The following PARP11 variants were observed in gnomAD, a reference collection of about 807,000 sequenced individuals.
The protein encoded by PARP11 is protein mono-ADP-ribosyltransferase PARP11.
PARP11 carries 31 observed loss-of-function variants against 42.9 expected under a neutral mutation model. The observed-to-expected ratio is 0.72, with a 90% CI of 0.54 to 0.98. The LOEUF (loss-of-function observed/expected upper bound fraction) is 0.98, where lower values mean the gene tolerates loss of function less well. Ranked by LOEUF, PARP11 falls within the 50% of genes least tolerant of loss-of-function variation. The pLI, the probability that PARP11 is intolerant of heterozygous loss-of-function variation, is 0.00. For missense variants in PARP11, 365 were observed against 413.1 expected (o/e 0.88, Z 1.01); for synonymous variants, 137 against 127.3 (o/e 1.08, Z -0.51).
rs1401993347 is a variant in PARP11 at position 3,812,423 on chromosome 12, T to G, written c.717A>C (p.Arg239Ser). The change falls in exon 8 of 8, where the codon AGA (arginine) becomes AGC (serine). Residue 239 changes from arginine to serine, a missense_variant. Coordinates refer to ENST00000228820, the MANE Select transcript of PARP11 (RefSeq NM_020367.6). The stretch of plus-strand genomic sequence containing the variant: ...AGAAACGACTGGAATAAGCAGCATC[T>G]CTAGCAAAATAGGTTCCTTAAACAA... ...AVFGKGTYFA[R>S]DAAYSSRFCK... 3.1e-6 allele frequency: 5 copies of G among 1,607,594 alleles called. No homozygotes were observed. The highest frequency in any genetic ancestry group is 4.2e-6 in the Non-Finnish European group (5 of 1,176,476).
intron 1 of PARP11, among the ~76,000 whole-genome samples, chr12:3,859,559 T>TAAA (rs59321607): frequency 1.8e-5 from 2 of 112,496 alleles, no homozygotes; most frequent in East Asian, 2.3e-4. Flanking sequence ...GAGACTCTGC[T>TAAA]AAAAAAAAAA....
intron 3 of PARP11, among the ~76,000 whole-genome samples, chr12:3,827,628 C>T (rs551406897): frequency 1.3e-5 from 2 of 151,470 alleles, no homozygotes; most frequent in Admixed American, 1.3e-4. Flanking sequence ...TGGCTTGTCA[C>T]GAGCAAGGAT....
chr12:3,854,384 G>A (rs1025849923), intron 1 of PARP11, among the ~76,000 whole-genome samples: 17 of 152,018 alleles, frequency 1.1e-4, no homozygotes, highest in South Asian at 2.1e-4. Context: ...TTGATAGACC[G>A]CTAGCAAGAC....
intron 1 of PARP11, among the ~76,000 whole-genome samples, chr12:3,832,854 C>A (rs761298747): frequency 6.6e-6 from 1 of 152,160 alleles, no homozygotes; most frequent in Non-Finnish European, 1.5e-5. Context: ...TAGAAGCAGG[C>A]TGGGAAGAAG....
At chr12:3,864,156 GA>G (rs1222950666) in intron 1 of PARP11, among the ~76,000 whole-genome samples, 1 of 152,098 alleles carries the variant, frequency 6.6e-6, no homozygotes, top group Non-Finnish European at 1.5e-5. Flanking sequence ...ATCGATATTC[GA>G]TTTTGTCAAA....
At chr12:3,824,418 A>C (rs1363032073) in intron 4 of PARP11, among the ~76,000 whole-genome samples, 1 of 152,168 alleles carries the variant, frequency 6.6e-6, no homozygotes, top group Non-Finnish European at 1.5e-5. Flanking sequence ...ATGACCAAAA[A>C]ATTTTTTTAG....
chr12:3,824,030 A>AT (rs557806065), intron 4 of PARP11, among the ~76,000 whole-genome samples: 6 of 152,150 alleles, frequency 3.9e-5, no homozygotes, highest in Non-Finnish European at 8.8e-5. Flanking sequence ...CAAAGAATAT[A>AT]TTTTTTCATG....
chr12:3,829,502 T>C (rs1947593896), intron 2 of PARP11, among the ~76,000 whole-genome samples: 1 of 152,238 alleles, frequency 6.6e-6, no homozygotes, highest in African/African-American at 2.4e-5. Flanking sequence ...TGTTAACATC[T>C]GCTTCCAAGT....
At chr12:3,815,109 G>C (rs1354628188) in intron 6 of PARP11, 55 of 454,424 alleles carry the variant, frequency 1.2e-4, no homozygotes, top group South Asian at 8.3e-4. Context: ...CTGATTGGTA[G>C]ATACATGGGA....
chr12:3,865,244 C>T (rs1168209342), intron 1 of PARP11, among the ~76,000 whole-genome samples: 1 of 152,098 alleles, frequency 6.6e-6, no homozygotes, highest in Admixed American at 6.5e-5. Context: ...TTCAAATGTA[C>T]TGAGATATGT....
intron 1 of PARP11, among the ~76,000 whole-genome samples, chr12:3,868,098 C>T (rs537761336): frequency 2.0e-4 from 30 of 152,120 alleles, no homozygotes; most frequent in African/African-American, 5.8e-4. Context: ...GATATAAGTA[C>T]TTTGTAAGAA....
chr12:3,829,716 G>C (rs972669760), intron 2 of PARP11, among the ~76,000 whole-genome samples, 174 bp downstream of exon 2: 4 of 152,114 alleles, frequency 2.6e-5, no homozygotes, highest in African/African-American at 9.7e-5. Context: ...TGAAAACTTG[G>C]GGAAAAGAAA....
chr12:3,825,773 G>C (rs1390323199), intron 4 of PARP11, among the ~76,000 whole-genome samples: 2 of 151,984 alleles, frequency 1.3e-5, no homozygotes, highest in African/African-American at 2.4e-5. Context: ...GCCCAGGTTG[G>C]AGTGGCGCAG....
At chr12:3,872,533 G>A (rs1331255607) in intron 1 of PARP11, 1 of 985,174 alleles carries the variant, frequency 1.0e-6, no homozygotes, top group Admixed American at 6.1e-5. Flanking sequence ...AAGGAAGAAG[G>A]CAGACTTGCA....
At chr12:3,854,942 G>A (rs1390946238) in intron 1 of PARP11, among the ~76,000 whole-genome samples, 1 of 152,194 alleles carries the variant, frequency 6.6e-6, no homozygotes, top group Non-Finnish European at 1.5e-5. Flanking sequence ...CCACCATCAA[G>A]TTGGCTTCAT....
At chr12:3,872,656 G>A in intron 1 of PARP11, 2 of 985,228 alleles carry the variant, frequency 2.0e-6, no homozygotes, top group Non-Finnish European at 2.4e-6. Context: ...AGAACTGATG[G>A]CTCCTCTTAG....
chr12:3,859,373 A>C lies in PARP11; in HGVS notation c.18+13839T>G, dbSNP rs557323949. Among the ~76,000 whole-genome samples the C allele has an allele frequency of 2.6e-5, 4 of 151,876 alleles. No individual in the cohort carries two copies. In the East Asian group the frequency reaches 7.8e-4, roughly 30 times the overall value. ...AGGTCAGGAGATCGAGACCAACTTG[A>C]CCAACACGGTGAAACCCTGTCTCTA... On this transcript the variant is annotated intron_variant, in intron 1 of 7. Transcript: ENST00000228820.
chr12:3,824,702 C>A, intron 4 of PARP11: 1 of 800,530 alleles, frequency 1.2e-6, no homozygotes, highest in Non-Finnish European at 1.5e-6. Flanking sequence ...GTGTTTGATC[C>A]CATCACAGTG....
At chr12:3,815,103 TTGGTAGATACA>T (rs1387828380) in intron 6 of PARP11, 4 of 456,392 alleles carry the variant, frequency 8.8e-6, no homozygotes, top group Admixed American at 2.3e-5. Context: ...TTAAATCTGA[TTGGTAGATACA>T]TGGGAGTCTG....
Sources: allele counts gnomAD v4.1 joint callset (sites outside exome capture counted in the v4.1 genomes callset), GRCh38; gene constraint gnomAD v4.1.1; transcripts MANE v1.5; gene names NCBI Gene and HGNC (gene_info 2026-07-23, HGNC 2026-07-21).